The following SAMD5 variants were observed in gnomAD, a reference collection of about 807,000 sequenced individuals.
SAMD5 encodes sterile alpha motif domain containing 5.
A neutral mutation model predicts 11.3 loss-of-function variants in SAMD5; 13 were observed. That is an observed-to-expected ratio of 1.15 (90% CI 0.75 to 1.83). SAMD5 has a LOEUF of 1.83. Among genes scored for constraint, SAMD5 ranks in the 40% most tolerant of loss-of-function variants. The pLI is 0.00. For missense variants in SAMD5, 255 were observed against 239.1 expected, an observed-to-expected ratio of 1.07 and a Z score of -0.44; for synonymous variants, 129 against 111.3, an observed-to-expected ratio of 1.16 and a Z score of -1.00.
the SAMD5 span, among the ~76,000 whole-genome samples, chr6:147,855,409 T>A: frequency 1.3e-5 from 2 of 152,192 alleles, no homozygotes; most frequent in African/African-American, 4.8e-5. Context: ...AGAAACTCTA[T>A]GACTTTCCAG....
At chr6:147,804,953 C>T in the SAMD5 span, among the ~76,000 whole-genome samples, 1 of 152,194 alleles carries the variant, frequency 6.6e-6, no homozygotes, top group Admixed American at 6.5e-5. Flanking sequence ...AAGGTGTATT[C>T]AGTAACTACC....
At chr6:147,767,579 T>C in the SAMD5 span, among the ~76,000 whole-genome samples, 498 of 152,220 alleles carry the variant, frequency 3.3e-3, 3 homozygotes, top group African/African-American at 0.011. Context: ...TATGATGGGA[T>C]TGAAGCCCTT....
Position 147,711,539 on chromosome 6 carries a change from A to G in SAMD5, c.163-25778A>G, listed in dbSNP as rs1791400430. ...ACCCACTGGCCTATTTTTGTTAATC[A>G]CTATAAACGGTGGCTGTAGCAGAGC... is the stretch of plus-strand genomic sequence containing the variant. On this transcript the variant is annotated intron_variant, in intron 1 of 1. Coordinates refer to the SAMD5 transcript ENST00000566741. The surrounding 1 kb of genome is among the most constrained non-coding windows in gnomAD (Gnocchi z 4.1). Among the ~76,000 whole-genome samples the G allele has an allele frequency of 6.6e-6, 1 of 152,332 alleles. No homozygotes were observed. Among genetic ancestry groups the G allele is most frequent in the Middle Eastern group, 3.4e-3 (1 of 294 alleles).
intron 1 of SAMD5, among the ~76,000 whole-genome samples, chr6:147,608,912 A>G (rs1186777039): frequency 1.3e-5 from 2 of 152,206 alleles, no homozygotes; most frequent in Non-Finnish European, 2.9e-5. Flanking sequence ...CGTGTACCCC[A>G]TAAATATATG....
chr6:147,896,279 C>T, the SAMD5 span, among the ~76,000 whole-genome samples: 1 of 152,024 alleles, frequency 6.6e-6, no homozygotes, highest in African/African-American at 2.4e-5. Flanking sequence ...GGTCTGATTC[C>T]TGCCCTCATG....
intron 1 of SAMD5, among the ~76,000 whole-genome samples, chr6:147,623,896 A>G (rs1370425371): frequency 2.6e-5 from 4 of 152,004 alleles, no homozygotes; most frequent in African/African-American, 9.7e-5. Context: ...TCAAGACAGA[A>G]TCTTGCTCTG....
intron 1 of SAMD5, among the ~76,000 whole-genome samples, chr6:147,721,790 T>C (rs559663797): frequency 7.2e-4 from 109 of 152,324 alleles, no homozygotes; most frequent in African/African-American, 2.5e-3. Context: ...CCAATTGTGT[T>C]GAAAGTTTTA....
chr6:147,866,551 T>G, the SAMD5 span, among the ~76,000 whole-genome samples: 1 of 152,312 alleles, frequency 6.6e-6, no homozygotes, highest in East Asian at 1.9e-4. Flanking sequence ...CATTGGTTGA[T>G]GGATTTATGG....
At chr6:147,586,470 T>C (rs1057438087) in intron 1 of SAMD5, among the ~76,000 whole-genome samples, 2 of 152,140 alleles carry the variant, frequency 1.3e-5, no homozygotes, top group African/African-American at 2.4e-5. Context: ...TTGATGTTCA[T>C]GTGAAACAGC....
chr6:147,825,044 C>T, the SAMD5 span, among the ~76,000 whole-genome samples: 3 of 152,256 alleles, frequency 2.0e-5, no homozygotes, highest in Admixed American at 6.5e-5. Flanking sequence ...CCTGTAGTCC[C>T]AGCACTTTGG....
the SAMD5 span, among the ~76,000 whole-genome samples, chr6:147,878,355 A>G: frequency 2.0e-5 from 3 of 151,720 alleles, no homozygotes; most frequent in Non-Finnish European, 4.4e-5. Flanking sequence ...CTATCAAGAC[A>G]ACGCTTACCC....
Position 147,565,913 on chromosome 6 carries a change from G to A in SAMD5, c.*1457G>A, listed in dbSNP as rs1269422685. On this transcript the variant is annotated 3_prime_UTR_variant, in exon 2 of 2. Coordinates refer to ENST00000367474, the MANE Select transcript of SAMD5 (RefSeq NM_001030060.3). The stretch of plus-strand genomic sequence containing the variant: ...GAGCTCCCAAGTAGTACTGCATTAC[G>A]GAATCTACTACTTAGAAGAATGTAC... 15 of 985,196 alleles carry A rather than the reference G, an allele frequency of 1.5e-5. No homozygotes were observed. Among genetic ancestry groups the A allele is most frequent in the Admixed American group, 6.1e-5 (1 of 16,264 alleles). 61.0% of individuals were successfully genotyped at this position (985,196 alleles called of 1,614,324 possible).
At chr6:147,949,946 G>A in the SAMD5 span, among the ~76,000 whole-genome samples, 2 of 152,154 alleles carry the variant, frequency 1.3e-5, no homozygotes, top group African/African-American at 4.8e-5. Flanking sequence ...TTCCTCTAGT[G>A]ACTTGTGTTA....
chr6:147,806,412 T>A, the SAMD5 span, among the ~76,000 whole-genome samples: 6 of 152,100 alleles, frequency 3.9e-5, no homozygotes, highest in South Asian at 2.1e-4. Flanking sequence ...AAAAACACAA[T>A]AGATGTGTCA....
Position 147,568,359 on chromosome 6 carries a change from G to T in SAMD5, c.*3903G>T. 1.0e-6 allele frequency: 1 copy of T among 985,176 alleles called. No individual in the cohort carries two copies. The highest frequency in any genetic ancestry group is 1.2e-6 in the Non-Finnish European group (1 of 829,734). The allele number at this position is 985,176 out of a possible 1,614,324, so 61.0% of individuals were successfully genotyped here. On this transcript the variant is annotated 3_prime_UTR_variant, in exon 2 of 2. Transcript: ENST00000367474. ...CACAGGGGGTTGAAAAATAAAAAAA[G>T]AAGTTAACATAATTAAAATGCTTGG...
At chr6:147,925,792 C>T in the SAMD5 span, among the ~76,000 whole-genome samples, 1 of 150,964 alleles carries the variant, frequency 6.6e-6, no homozygotes, top group South Asian at 2.1e-4. Context: ...TGATACTAAG[C>T]CTAGTACCCA....
At chr6:147,923,924 T>C in the SAMD5 span, among the ~76,000 whole-genome samples, 13 of 152,174 alleles carry the variant, frequency 8.5e-5, no homozygotes, top group Non-Finnish European at 1.9e-4. Flanking sequence ...AGCAGGAACC[T>C]GGAAGATGGT....
At chr6:147,889,930 C>T in the SAMD5 span, among the ~76,000 whole-genome samples, 1 of 152,160 alleles carries the variant, frequency 6.6e-6, no homozygotes, top group Non-Finnish European at 1.5e-5. Context: ...CTCCCTTTGG[C>T]ATTGGTGTCC....
intron 1 of SAMD5, among the ~76,000 whole-genome samples, chr6:147,561,222 C>G (rs1427230402): frequency 6.6e-6 from 1 of 152,074 alleles, no homozygotes; most frequent in African/African-American, 2.4e-5. Context: ...GAGACGGAGT[C>G]TCTGTCACCA....
Sources: allele counts gnomAD v4.1 joint callset (sites outside exome capture counted in the v4.1 genomes callset), GRCh38; gene constraint gnomAD v4.1.1; non-coding constraint Gnocchi (gnomAD v3.1); transcripts MANE v1.5; gene names NCBI Gene and HGNC (gene_info 2026-07-23, HGNC 2026-07-21).